ABCA9: variants seen among roughly 807,000 people sequenced by gnomAD.
ABCA9 encodes the protein ATP binding cassette subfamily A member 9, also known as ATP-binding cassette sub-family A member 9.
Under a neutral mutation model 205.3 loss-of-function variants are expected in ABCA9, and 183 were observed. That is an observed-to-expected ratio of 0.89 (90% CI 0.79 to 1.01). The LOEUF is 1.01. Ranked by LOEUF, ABCA9 falls within the 50% of genes least tolerant of loss-of-function variation. The probability of loss-of-function intolerance (pLI) is 0.00; values close to 1 mark genes in which losing one functional copy is unlikely to be tolerated. For missense variants in ABCA9, 1,805 were observed against 1,912.4 expected, an observed-to-expected ratio of 0.94 and a Z score of 1.05; for synonymous variants, 651 against 683.3, an observed-to-expected ratio of 0.95 and a Z score of 0.74.
At chr17:68,993,824 C>T (rs544058506) in intron 26 of ABCA9, among the ~76,000 whole-genome samples, 3 of 152,114 alleles carry the variant, frequency 2.0e-5, no homozygotes, top group Admixed American at 6.5e-5. Context: ...TCAATAATTG[C>T]ACCTCATCCA....
chr17:69,078,314 C>T, the ABCA9 span, among the ~76,000 whole-genome samples: 18 of 151,726 alleles, frequency 1.2e-4, no homozygotes, highest in African/African-American at 3.9e-4. Flanking sequence ...AATTCTCCTC[C>T]CTCAGCCTCC....
In ABCA9 at chr17:68,985,086, G is replaced by A. The variant is rs200241314; in HGVS notation, c.4251C>T (p.Pro1417=). 44 of 1,614,160 alleles carry A rather than the reference G, an allele frequency of 2.7e-5. No individual in the cohort carries two copies. Among genetic ancestry groups the A allele is most frequent in the Non-Finnish European group, 3.3e-5 (39 of 1,180,040 alleles). The part of the protein sequence containing the change: ...ALKLQDQLKA[P]VKTLSEGIKR... ...TTATTCCCTCTGACAAGGTCTTCAC[G>A]GGAGCCTTCAGCTGGTCCTGCAGCT... Residue 1417 remains proline (P), a synonymous_variant, in exon 33 of 39, where the codon CCC becomes CCT. Coordinates refer to ENST00000340001, the MANE Select transcript of ABCA9 (RefSeq NM_080283.4).
rs1205439728 is a variant in ABCA9 at position 69,008,067 on chromosome 17, T to G, written c.3316A>C (p.Ile1106Leu). The G allele has an allele frequency of 6.2e-7, 1 of 1,602,602 alleles. No individual in the cohort carries two copies. Among genetic ancestry groups the G allele is most frequent in the African/African-American group, 1.3e-5 (1 of 74,334 alleles). ...EIIFIIQNLL[I>L]QILCSIGYVS... ...TCAAAATTGCTGCCACTTACTTGAA[T>G]TAACAGGTTTTGAATTATAAATATA... is the stretch of plus-strand genomic sequence containing the variant. Residue 1106 changes from isoleucine to leucine, a missense_variant, in exon 24 of 39, where the codon ATT becomes CTT. By Grantham distance (5) the Ile-to-Leu change is conservative (BLOSUM62 2). Coordinates refer to ENST00000340001, the MANE Select transcript of ABCA9 (RefSeq NM_080283.4).
At chr17:69,002,117 C>T (rs1161741472) in intron 25 of ABCA9, among the ~76,000 whole-genome samples, 19 of 143,868 alleles carry the variant, frequency 1.3e-4, no homozygotes, top group South Asian at 4.6e-4. Context: ...TCTCTATTTC[C>T]TTCAGTTCTG....
chr17:69,033,379 A>G (rs1436190257), intron 9 of ABCA9: 1 of 159,426 alleles, frequency 6.3e-6, no homozygotes, highest in African/African-American at 2.4e-5. Context: ...ATTTTTACTA[A>G]TAACCCACTA....
intron 10 of ABCA9, among the ~76,000 whole-genome samples, chr17:69,030,667 T>C (rs1254058563): frequency 6.6e-6 from 1 of 152,156 alleles, no homozygotes; most frequent in Non-Finnish European, 1.5e-5. Context: ...GGCAAGTTGG[T>C]TTTTCCTAGT....
chr17:69,063,618 TG>T (rs938112199), upstream of ABCA9, among the ~76,000 whole-genome samples: 3 of 151,816 alleles, frequency 2.0e-5, no homozygotes, highest in African/African-American at 7.3e-5. Context: ...TGTTTTTTTT[TG>T]TGTGTGTGTG....
At chr17:68,984,758 T>G in intron 34 of ABCA9, 127 bp downstream of exon 34, 1 of 1,257,046 alleles carries the variant, frequency 8.0e-7, no homozygotes, top group East Asian at 2.5e-5. Flanking sequence ...ATCAGATAAT[T>G]TTTTTTCCTA....
chr17:69,006,718 G>A (rs968020099), intron 25 of ABCA9, among the ~76,000 whole-genome samples: 1 of 152,052 alleles, frequency 6.6e-6, no homozygotes, highest in South Asian at 2.1e-4. Context: ...TTTTGGGGAA[G>A]TGCTCAAAAA....
chr17:69,017,807 T>A lies in ABCA9; in HGVS notation c.2768-18A>T. On this transcript the variant is annotated intron_variant, in intron 20 of 38. Coordinates refer to ENST00000340001, the MANE Select transcript of ABCA9 (RefSeq NM_080283.4). The stretch of plus-strand genomic sequence containing the variant: ...GGTTGACCCTACATGAAGGCAAAGA[T>A]TAAAGGAAGCAAAAATGAAATAAAA... 1 of 1,609,204 alleles carries A rather than the reference T, an allele frequency of 6.2e-7. No individual in the cohort carries two copies.
At chr17:68,991,472 A>G (rs1386468942) in intron 28 of ABCA9, among the ~76,000 whole-genome samples, 1 of 152,160 alleles carries the variant, frequency 6.6e-6, no homozygotes. Context: ...CCTCTCTGCT[A>G]CAGACTCGTT....
chr17:69,050,459 A>T (rs891752446), intron 2 of ABCA9, among the ~76,000 whole-genome samples: 1 of 152,062 alleles, frequency 6.6e-6, no homozygotes, highest in Non-Finnish European at 1.5e-5. Context: ...AGTTTACTAA[A>T]TTTTTTGCAC....
At chr17:69,014,935 A>T (rs2070526745) in intron 22 of ABCA9, among the ~76,000 whole-genome samples, 1 of 152,120 alleles carries the variant, frequency 6.6e-6, no homozygotes, top group Non-Finnish European at 1.5e-5. Flanking sequence ...GGGCCAAGCT[A>T]AACACCACCC....
intron 28 of ABCA9, 124 bp from the exon 29 acceptor site, chr17:68,991,081 T>C: frequency 9.3e-7 from 1 of 1,076,196 alleles, no homozygotes; most frequent in Non-Finnish European, 1.3e-6. Flanking sequence ...ATCCTCTCTA[T>C]TCTTCTACTT....
rs2070224692 is a variant in ABCA9 at position 69,008,188 on chromosome 17, T to G, written c.3195A>C (p.Ala1065=). The G allele has an allele frequency of 6.2e-7, 1 of 1,614,084 alleles. No homozygotes were observed. Among genetic ancestry groups the G allele is most frequent in the African/African-American group, 1.3e-5 (1 of 75,050 alleles). Residue 1065 remains alanine (A), a synonymous_variant, in exon 24 of 39, where the codon GCA becomes GCC. Transcript: ENST00000340001. Reference sequence around the variant, plus strand: ...CCACCAGTGCTTGGCCAAACCAGTATGCAGAAGGGTAGAGGCCTGAAATCC... The same window carrying G: ...CCACCAGTGCTTGGCCAAACCAGTAGGCAGAAGGGTAGAGGCCTGAAATCC... ...QLRISGLYPS[A]YWFGQALVDV...
rs553742877 is a variant in ABCA9, at chr17:69,004,072, C to T, written c.3435+3687G>A. ...TTTGCCTTTGGTTTGCATGTCTTCC[C>T]GTAGCTCAGAGTAATTTGATCGTCT... On this transcript the variant is annotated intron_variant, in intron 25 of 38. Transcript: ENST00000340001. 7.9e-5 allele frequency among the ~76,000 whole-genome samples: 12 copies of T among 152,198 alleles called. No homozygotes were observed. In the East Asian group the frequency reaches 9.6e-4, roughly 12 times the overall value.
intron 25 of ABCA9, 124 bp downstream of exon 25, chr17:69,007,635 T>A: frequency 1.6e-6 from 1 of 630,178 alleles, no homozygotes; most frequent in South Asian, 2.0e-5. Context: ...ACTTTGATTA[T>A]CTTAGAAGAA....
At chr17:69,007,025 G>T (rs1258609364) in intron 25 of ABCA9, among the ~76,000 whole-genome samples, 2 of 152,112 alleles carry the variant, frequency 1.3e-5, no homozygotes, top group East Asian at 3.9e-4. Context: ...CATGTGGATT[G>T]AATGAAGGAA....
At chr17:69,004,667 T>C in intron 25 of ABCA9, 1 of 165,584 alleles carries the variant, frequency 6.0e-6, no homozygotes, top group South Asian at 1.8e-4. Context: ...GCTGCTTTGT[T>C]TACCTAAGCA....
Sources: allele counts gnomAD v4.1 joint callset (sites outside exome capture counted in the v4.1 genomes callset), GRCh38; gene constraint gnomAD v4.1.1; transcripts MANE v1.5; gene names NCBI Gene and HGNC (gene_info 2026-07-23, HGNC 2026-07-21).